Variants in ERGIC1 observed in about 807,000 individuals in gnomAD.
The protein encoded by ERGIC1 is endoplasmic reticulum-Golgi intermediate compartment protein 1.
In ERGIC1, 19 loss-of-function variants were observed where a neutral mutation model predicts 38.3. The ratio of observed to expected loss-of-function variants is 0.50; its 90% CI spans 0.35 to 0.73. The LOEUF is 0.73. Among genes scored for constraint, ERGIC1 ranks in the 30% least tolerant of loss-of-function variants. The pLI, the probability that ERGIC1 is intolerant of heterozygous loss-of-function variation, is 0.01. For missense variants in ERGIC1, 294 were observed against 389.2 expected, an observed-to-expected ratio of 0.76 and a Z score of 2.06; for synonymous variants, 124 against 157.6, an observed-to-expected ratio of 0.79 and a Z score of 1.60.
At chr5:172,938,769 A>T (rs1320456482) in intron 9 of ERGIC1, among the ~76,000 whole-genome samples, 1 of 150,984 alleles carries the variant, frequency 6.6e-6, no homozygotes, top group Admixed American at 6.6e-5. Context: ...AAAAAGAAAA[A>T]AAAAAAGAAA....
At chr5:172,941,099 C>A (rs957566490) in intron 9 of ERGIC1, among the ~76,000 whole-genome samples, 1 of 152,120 alleles carries the variant, frequency 6.6e-6, no homozygotes, top group African/African-American at 2.4e-5. Flanking sequence ...GCCAACATGG[C>A]GAAACTTTGT....
intron 4 of ERGIC1, among the ~76,000 whole-genome samples, chr5:172,910,668 G>T (rs1030802658): frequency 5.3e-5 from 8 of 151,964 alleles, no homozygotes; most frequent in African/African-American, 1.7e-4. Flanking sequence ...GGGATTACAG[G>T]TGCGCACCAC....
chr5:172,862,325 A>G (rs1761725619), intron 1 of ERGIC1, among the ~76,000 whole-genome samples: 1 of 150,788 alleles, frequency 6.6e-6, no homozygotes, highest in African/African-American at 2.4e-5. Flanking sequence ...AAAAAAAAAA[A>G]AAAAAAAGAT....
chr5:172,944,910 C>G (rs1289861226), intron 9 of ERGIC1, among the ~76,000 whole-genome samples: 1 of 152,260 alleles, frequency 6.6e-6, no homozygotes, highest in Non-Finnish European at 1.5e-5. Flanking sequence ...ACGCCCCCGG[C>G]TGACACCCCT....
chr5:172,945,650 G>T (rs1581592082), intron 9 of ERGIC1, among the ~76,000 whole-genome samples: 2 of 151,690 alleles, frequency 1.3e-5, no homozygotes, highest in Admixed American at 1.3e-4. Flanking sequence ...TGTATTTTCA[G>T]TAGAGCCGCA....
chr5:172,888,691 C>T lies in ERGIC1; in HGVS notation c.21-8C>T. 1 of 1,613,878 alleles carries T rather than the reference C, an allele frequency of 6.2e-7. No homozygotes were observed. The highest frequency in any genetic ancestry group is 8.5e-7 in the Non-Finnish European group (1 of 1,179,784). On this transcript the variant is annotated splice_polypyrimidine_tract_variant and splice_region_variant and intron_variant, in intron 1 of 9. Coordinates refer to ENST00000393784, the MANE Select transcript of ERGIC1 (RefSeq NM_001031711.3). Reference sequence around the variant, plus strand: ...CCACCTCACTCCTGTTCCATTTGCTCTCCACAGGTTTGACATCTACAGGAA... The same window carrying T: ...CCACCTCACTCCTGTTCCATTTGCTTTCCACAGGTTTGACATCTACAGGAA...
intron 1 of ERGIC1, among the ~76,000 whole-genome samples, chr5:172,885,733 G>A (rs1212926094): frequency 7.2e-6 from 1 of 138,414 alleles, no homozygotes; most frequent in Non-Finnish European, 1.6e-5. Context: ...CCAGTCTTAG[G>A]AGAACCCACA....
At chr5:172,843,122 G>A (rs1320446689) in intron 1 of ERGIC1, among the ~76,000 whole-genome samples, 2 of 152,116 alleles carry the variant, frequency 1.3e-5, no homozygotes, top group Non-Finnish European at 1.5e-5. Flanking sequence ...CTCCAGCCTG[G>A]GTGACAGAGT....
rs545252048 is a variant in ERGIC1, at chr5:172,882,449, A to G, written c.21-6250A>G. Among the ~76,000 whole-genome samples the G allele has an allele frequency of 1.2e-4, 18 of 152,304 alleles. No individual in the cohort carries two copies. The South Asian group carries it at 3.5e-3, about 30-fold the overall frequency. ...CCATGAGACCTTCATCTGATTTACC[A>G]AAAAATGAGCTCTAAACTGGTGATT... On this transcript the variant is annotated intron_variant, in intron 1 of 9. Transcript: ENST00000393784.
intron 1 of ERGIC1, among the ~76,000 whole-genome samples, chr5:172,859,388 T>C (rs559652397): frequency 1.3e-5 from 2 of 149,694 alleles, no homozygotes; most frequent in Admixed American, 1.3e-4. Flanking sequence ...CCAACTCCCA[T>C]GGCCGCCTCC....
chr5:172,880,722 G>A (rs112918381), intron 1 of ERGIC1, among the ~76,000 whole-genome samples: 6 of 152,218 alleles, frequency 3.9e-5, no homozygotes, highest in East Asian at 1.9e-4. Flanking sequence ...TAAAGCGAAC[G>A]GGTTGGACAC....
chr5:172,893,903 A>ATGTGTGTGTGTG (rs1279828120), intron 2 of ERGIC1, among the ~76,000 whole-genome samples: 18 of 12,876 alleles, frequency 1.4e-3, no homozygotes, highest in East Asian at 5.3e-3. Flanking sequence ...ATATATATAT[A>ATGTGTGTGTGTG]TATGTGTGTG....
chr5:172,900,349 C>T (rs1057238135), intron 3 of ERGIC1, among the ~76,000 whole-genome samples: 2 of 152,146 alleles, frequency 1.3e-5, no homozygotes, highest in African/African-American at 4.8e-5. Context: ...TCCCTCTCTC[C>T]CAGCGGCATC....
intron 3 of ERGIC1, among the ~76,000 whole-genome samples, chr5:172,902,459 G>T (rs1325496936): frequency 1.3e-5 from 2 of 152,228 alleles, no homozygotes; most frequent in South Asian, 2.1e-4. Flanking sequence ...GGGCGTCTGA[G>T]TGTGGAGTGA....
intron 1 of ERGIC1, among the ~76,000 whole-genome samples, chr5:172,876,718 T>G: frequency 6.6e-6 from 1 of 152,202 alleles, no homozygotes; most frequent in Non-Finnish European, 1.5e-5. Flanking sequence ...ACCCCAAAGC[T>G]TGCTCCTCCC....
At chr5:172,860,284 T>A (rs1761664011) in intron 1 of ERGIC1, among the ~76,000 whole-genome samples, 1 of 152,202 alleles carries the variant, frequency 6.6e-6, no homozygotes, top group South Asian at 2.1e-4. Context: ...TTGAAGGACT[T>A]TGGTGATGGT....
chr5:172,857,382 A>C (rs1363696260), intron 1 of ERGIC1, among the ~76,000 whole-genome samples: 1 of 152,116 alleles, frequency 6.6e-6, no homozygotes, highest in South Asian at 2.1e-4. Context: ...CAGTAGTTTC[A>C]AGGAGATGCT....
intron 2 of ERGIC1, among the ~76,000 whole-genome samples, chr5:172,891,565 G>C (rs1323667179): frequency 6.6e-6 from 1 of 151,542 alleles, no homozygotes; most frequent in East Asian, 1.9e-4. Flanking sequence ...CAGCCTCCCC[G>C]AGTAGCTGGG....
chr5:172,871,681 GGA>G (rs1762013400), intron 1 of ERGIC1, among the ~76,000 whole-genome samples: 1 of 152,152 alleles, frequency 6.6e-6, no homozygotes, highest in East Asian at 1.9e-4. Context: ...AGCTGATGAA[GGA>G]GAGAGAGGGG....
Sources: gnomAD v4.1 joint callset for allele counts (sites outside exome capture counted in the v4.1 genomes callset) on GRCh38, gnomAD v4.1.1 for gene constraint, MANE v1.5 for transcripts, NCBI Gene and HGNC (gene_info 2026-07-23, HGNC 2026-07-21) for gene names.